Variants in ATAD3B observed in about 807,000 individuals in gnomAD.
ATAD3B encodes the protein ATPase family AAA domain-containing protein 3B.
Under a neutral mutation model 70.2 loss-of-function variants are expected in ATAD3B, and 59 were observed. That is an observed-to-expected ratio of 0.84 (90% CI 0.68 to 1.04). The LOEUF is 1.04. Ranked by LOEUF, ATAD3B falls within the 50% of genes least tolerant of loss-of-function variation. ATAD3B has a pLI of 0.00. For synonymous variants in ATAD3B, 423 were observed against 388.6 expected, an observed-to-expected ratio of 1.09 and a Z score of -1.04; for missense variants, 961 against 913.4, an observed-to-expected ratio of 1.05 and a Z score of -0.67.
At chr1:1,491,826 G>C (rs903599781) in intron 15 of ATAD3B, among the ~76,000 whole-genome samples, 8 of 152,000 alleles carry the variant, frequency 5.3e-5, no homozygotes, top group Admixed American at 2.0e-4. Context: ...CCCCGTCCTT[G>C]TGGGTCAGCT....
At chr1:1,472,361 G>A (rs1440401833) in intron 1 of ATAD3B, among the ~76,000 whole-genome samples, 1 of 151,964 alleles carries the variant, frequency 6.6e-6, no homozygotes, top group Non-Finnish European at 1.5e-5. Context: ...CAGGGTCTGG[G>A]GCTGGCCGTG....
rs1038801715 is a variant in ATAD3B at position 1,479,460 on chromosome 1, CCA to C, written c.444+364_444+365del. ...CCTGCACACATGGGGAAACATGGGC[CCA>C]CACACACACACCCCTGTGCGCACAC... On this transcript the variant is annotated intron_variant, in intron 4 of 15. Coordinates refer to ENST00000673477, the MANE Select transcript of ATAD3B (RefSeq NM_031921.6). Among the ~76,000 whole-genome samples, 8 of 140,196 alleles carry C rather than the reference CCA, an allele frequency of 5.7e-5. 1 individual carries two copies. Among genetic ancestry groups the C allele is most frequent in the African/African-American group, 1.9e-4 (7 of 36,874 alleles). The allele number at this position is 140,196 out of a possible 152,430, so 92.0% of individuals were successfully genotyped here.
chr1:1,502,214 C>G (rs1032923577), downstream of ATAD3B, among the ~76,000 whole-genome samples: 2 of 146,814 alleles, frequency 1.4e-5, no homozygotes, highest in Non-Finnish European at 3.0e-5. Context: ...CTTTTTTTTT[C>G]TCTCTCTTTT....
At chr1:1,482,744 C>T (rs566514909) in intron 7 of ATAD3B, 130 bp downstream of exon 7, 52 of 1,453,776 alleles carry the variant, frequency 3.6e-5, no homozygotes, top group Middle Eastern at 1.8e-4. Flanking sequence ...AGCAAACCCA[C>T]GTTGTACCTG....
At position 1,496,072 on chromosome 1, in the gene ATAD3B, C is replaced by G. The variant is rs1180426009; in HGVS notation, c.*255C>G. On this transcript the variant is annotated 3_prime_UTR_variant, in exon 16 of 16. Transcript: ENST00000673477. ...TAGACAGAAGTGGGGCGGCCTGAAC[C>G]CTGCTTCCAGCCATGGCCAGGGGCC... 1.1e-5 allele frequency: 14 copies of G among 1,239,478 alleles called. No homozygotes were observed. In the East Asian group the frequency reaches 3.9e-4, roughly 35 times the overall value. 76.8% of individuals were successfully genotyped at this position (1,239,478 alleles called of 1,614,324 possible). A position where few individuals can be genotyped will look rare whatever the true frequency, so the allele number is the denominator to read the frequency against.
At chr1:1,499,451 G>C (rs2100614240), downstream of ATAD3B, among the ~76,000 whole-genome samples, 1 of 150,696 alleles carries the variant, frequency 6.6e-6, no homozygotes, top group Middle Eastern at 3.4e-3. Flanking sequence ...TAGCCAGGAT[G>C]GTCTTAAACT....
chr1:1,501,154 T>A (rs889596813), downstream of ATAD3B, among the ~76,000 whole-genome samples: 1 of 152,094 alleles, frequency 6.6e-6, no homozygotes, highest in African/African-American at 2.4e-5. Flanking sequence ...AATGGCGTGA[T>A]CTCGGCTCAG....
At chr1:1,488,044 T>A in intron 12 of ATAD3B, 130 bp downstream of exon 12, 17 of 1,325,182 alleles carry the variant, frequency 1.3e-5, no homozygotes, top group Non-Finnish European at 1.8e-5. Context: ...AACCTCTGCC[T>A]CCTGGGTTCA....
At chr1:1,484,647 TG>T (rs1362249693) in intron 7 of ATAD3B, 1 of 234,726 alleles carries the variant, frequency 4.3e-6, no homozygotes, top group East Asian at 1.0e-4. Flanking sequence ...TTAGAGATTT[TG>T]GGTTAGTCTT....
intron 15 of ATAD3B, among the ~76,000 whole-genome samples, chr1:1,494,847 C>T (rs1285157006): frequency 6.6e-6 from 1 of 152,014 alleles, no homozygotes; most frequent in East Asian, 1.9e-4. Context: ...TCACCCTGAC[C>T]CATGGGTGCC....
chr1:1,489,502 C>G (rs1484843479), intron 13 of ATAD3B: 2 of 991,036 alleles, frequency 2.0e-6, no homozygotes, highest in Non-Finnish European at 2.9e-6. Context: ...CTTCACGGCC[C>G]TGTGCGCCGC....
the ATAD3B span, chr1:1,503,606 A>G: frequency 6.2e-7 from 1 of 1,612,126 alleles, no homozygotes; most frequent in African/African-American, 1.3e-5. Context: ...GACGCCCTGA[A>G]TGTGGCACAG....
rs144490908 is a variant in ATAD3B, at chr1:1,490,316, G to A, written c.1397G>A (p.Arg466His). ...CAGTTCGACTGTGCCATCAACAGCCGCATTGACGTGATGGTCCACTTCGAC... is the reference window on the plus strand; with the variant it reads ...CAGTTCGACTGTGCCATCAACAGCCACATTGACGTGATGGTCCACTTCGAC... The part of the protein sequence containing the change: ...PEQFDCAINS[R>H]IDVMVHFDLP... The change falls in exon 14 of 16, where the codon CGC becomes CAC. Residue 466 changes from arginine to histidine, a missense_variant. Coordinates refer to ENST00000673477, the MANE Select transcript of ATAD3B (RefSeq NM_031921.6). 90 of 1,613,132 alleles carry A rather than the reference G, an allele frequency of 5.6e-5. 1 individual carries two copies. The highest frequency in any genetic ancestry group is 4.4e-4 in the African/African-American group (33 of 74,940).
At chr1:1,487,830 T>A in intron 11 of ATAD3B, 33 bp from the exon 12 acceptor site, 1 of 1,611,102 alleles carries the variant, frequency 6.2e-7, no homozygotes, top group Non-Finnish European at 8.5e-7. Flanking sequence ...CTGGCGTCAC[T>A]CTCGCCTTGC....
At chr1:1,500,457 CAGG>C (rs1401401055), downstream of ATAD3B, among the ~76,000 whole-genome samples, 2 of 147,484 alleles carry the variant, frequency 1.4e-5, no homozygotes, top group African/African-American at 5.0e-5. Context: ...GAGGCTGAGG[CAGG>C]AGAATGGCGT....
At chr1:1,474,710 T>C (rs1165040878) in intron 1 of ATAD3B, among the ~76,000 whole-genome samples, 16 of 151,814 alleles carry the variant, frequency 1.1e-4, no homozygotes, top group African/African-American at 1.4e-4. Context: ...CCATGTTGTT[T>C]AGGCTGGTCT....
chr1:1,490,044 C>T (rs1440143988), intron 13 of ATAD3B: 1 of 1,399,844 alleles, frequency 7.1e-7, no homozygotes, highest in Non-Finnish European at 9.3e-7. Flanking sequence ...GAACAGAGGC[C>T]CGAGAAGCCG....
In ATAD3B at chr1:1,490,424, G is replaced by A. The variant is rs766326080; in HGVS notation, c.1505G>A (p.Arg502Gln). ...CTTAAGCCGGCCACAGAAGGAAAAC[G>A]GTGAGTGTCCCGCCTCACCCGGCCC... Reference protein sequence around the residue: ...CVLKPATEGKRRLKLAQFDYG... With the variant: ...CVLKPATEGKQRLKLAQFDYG... Residue 502 changes from arginine (R) to glutamine (Q), a missense_variant and splice_region_variant, in exon 14 of 16, where the codon CGG (arginine) becomes CAG (glutamine). Arg to Gln is a conservative substitution (Grantham distance 43, BLOSUM62 1). Coordinates refer to ENST00000673477, the MANE Select transcript of ATAD3B (RefSeq NM_031921.6). 1.8e-5 allele frequency: 29 copies of A among 1,613,214 alleles called. No individual in the cohort carries two copies. Among genetic ancestry groups the A allele is most frequent in the Admixed American group, 1.7e-5 (1 of 59,974 alleles).
intron 15 of ATAD3B, among the ~76,000 whole-genome samples, chr1:1,495,005 C>T (rs1309198672): frequency 1.3e-5 from 2 of 152,084 alleles, no homozygotes; most frequent in Admixed American, 6.6e-5. Context: ...AATGCCAAGC[C>T]CTGTGCCCAG....
Sources: allele counts gnomAD v4.1 joint callset (sites outside exome capture counted in the v4.1 genomes callset), GRCh38; gene constraint gnomAD v4.1.1; transcripts MANE v1.5; gene names NCBI Gene and HGNC (gene_info 2026-07-23, HGNC 2026-07-21).